DCDC2C: variants seen among roughly 807,000 people sequenced by gnomAD.
DCDC2C encodes the protein doublecortin domain-containing protein 2C.
A neutral mutation model predicts 45.0 loss-of-function variants in DCDC2C; 44 were observed. That is an observed-to-expected ratio of 0.98 (90% CI 0.77 to 1.26). The LOEUF (loss-of-function observed/expected upper bound fraction) is 1.26, where lower values mean the gene tolerates loss of function less well. Ranked by LOEUF, DCDC2C falls within the 50% of genes most tolerant of loss-of-function variation. The pLI is 0.00. For missense variants in DCDC2C, 447 were observed against 468.9 expected, an observed-to-expected ratio of 0.95 and a Z score of 0.43; for synonymous variants, 187 against 178.8, an observed-to-expected ratio of 1.05 and a Z score of -0.37.
At chr2:3,750,223 G>C (rs1180454772) in intron 4 of DCDC2C, among the ~76,000 whole-genome samples, 1 of 151,988 alleles carries the variant, frequency 6.6e-6, no homozygotes, top group African/African-American at 2.4e-5. Context: ...CTGTCCCTTG[G>C]TCTCCCCTCA....
rs1329554715 is a variant in DCDC2C at position 3,798,740 on chromosome 2, G to A, written c.1065+13640G>A. Reference sequence around the variant, plus strand: ...TTGTAGAGTTTCTGCCGAGAGATCTGCTGTTAGTCTGATGGGCTTCCCTTT... The same window carrying A: ...TTGTAGAGTTTCTGCCGAGAGATCTACTGTTAGTCTGATGGGCTTCCCTTT... On this transcript the variant is annotated intron_variant, in intron 10 of 10. Coordinates refer to ENST00000399143, the MANE Select transcript of DCDC2C (RefSeq NM_001287444.2). 1.3e-4 allele frequency among the ~76,000 whole-genome samples: 20 copies of A among 152,262 alleles called. 1 individual carries two copies. The East Asian group carries it at 3.9e-3, about 29-fold the overall frequency.
At chr2:3,847,012 T>TTC in intron 10 of DCDC2C, 142 bp from the exon 11 acceptor site, 2 of 343,818 alleles carry the variant, frequency 5.8e-6, no homozygotes, top group Non-Finnish European at 1.0e-5. Context: ...AGGTCCCAGG[T>TTC]CCCACCCCAC....
At chr2:3,723,762 G>A (rs1668559542) in intron 2 of DCDC2C, among the ~76,000 whole-genome samples, 1 of 152,166 alleles carries the variant, frequency 6.6e-6, no homozygotes, top group African/African-American at 2.4e-5. Context: ...TGACGGATGC[G>A]CAGATGGCAT....
chr2:3,751,529 A>G (rs530215790), intron 4 of DCDC2C, among the ~76,000 whole-genome samples: 2 of 152,338 alleles, frequency 1.3e-5, no homozygotes, highest in Non-Finnish European at 2.9e-5. Flanking sequence ...CTTGTCAGCC[A>G]GGAGCTTGTT....
intron 2 of DCDC2C, among the ~76,000 whole-genome samples, chr2:3,721,605 T>C (rs2148062855): frequency 6.6e-6 from 1 of 152,336 alleles, no homozygotes; most frequent in South Asian, 2.1e-4. Context: ...GGTTTTGCTA[T>C]GTCCCCACCC....
chr2:3,767,045 C>T lies in DCDC2C; in HGVS notation c.727-709C>T, dbSNP rs145953782. Among the ~76,000 whole-genome samples the T allele has an allele frequency of 5.4e-4, 82 of 152,312 alleles. No individual in the cohort carries two copies. The East Asian group carries it at 0.011, about 21-fold the overall frequency. On this transcript the variant is annotated intron_variant, in intron 6 of 10. Coordinates refer to ENST00000399143, the MANE Select transcript of DCDC2C (RefSeq NM_001287444.2). ...AAGACTTTTCCCGCCTCCAGGCCAA[C>T]GTAAGTGTTGCGAGCGTGTTTAAGG...
chr2:3,811,482 G>A (rs546748052), intron 10 of DCDC2C, among the ~76,000 whole-genome samples: 1 of 152,286 alleles, frequency 6.6e-6, no homozygotes, highest in East Asian at 1.9e-4. Flanking sequence ...TTTTTGGGCT[G>A]AGATGATGGG....
chr2:3,771,885 G>A (rs959538996), intron 8 of DCDC2C, among the ~76,000 whole-genome samples: 3 of 152,338 alleles, frequency 2.0e-5, no homozygotes, highest in African/African-American at 7.2e-5. Flanking sequence ...TATCCGTGTC[G>A]TGAGAACTTT....
chr2:3,764,667 A>G (rs1025833496), intron 6 of DCDC2C, among the ~76,000 whole-genome samples: 3 of 152,210 alleles, frequency 2.0e-5, no homozygotes, highest in African/African-American at 7.2e-5. Context: ...TCATAGCAGT[A>G]TGAAAATGGA....
intron 10 of DCDC2C, among the ~76,000 whole-genome samples, chr2:3,812,319 A>G (rs902113670): frequency 2.0e-5 from 3 of 151,670 alleles, no homozygotes; most frequent in African/African-American, 4.8e-5. Context: ...CAGAGCATGT[A>G]TGTGTCTAGG....
At chr2:3,767,132 C>T (rs113020281) in intron 6 of DCDC2C, among the ~76,000 whole-genome samples, 8 of 152,334 alleles carry the variant, frequency 5.3e-5, no homozygotes, top group African/African-American at 1.7e-4. Context: ...ACTTTAGATA[C>T]TTTCACCTTC....
chr2:3,832,575 T>G (rs904145663), intron 10 of DCDC2C, among the ~76,000 whole-genome samples: 7 of 152,252 alleles, frequency 4.6e-5, no homozygotes, highest in African/African-American at 1.7e-4. Context: ...TTCGTTTCCA[T>G]TAGGGCAGAT....
At chr2:3,798,767 A>T (rs1208801947) in intron 10 of DCDC2C, among the ~76,000 whole-genome samples, 9 of 151,696 alleles carry the variant, frequency 5.9e-5, no homozygotes, top group African/African-American at 2.2e-4. Context: ...CTTCCCTTTG[A>T]GGGTAACCCG....
intron 9 of DCDC2C, among the ~76,000 whole-genome samples, chr2:3,780,982 C>T (rs1211496657): frequency 2.6e-5 from 4 of 152,202 alleles, no homozygotes; most frequent in Non-Finnish European, 4.4e-5. Context: ...GCTTCGCTGG[C>T]GCCACCTACT....
chr2:3,756,274 G>C (rs1372498109), intron 6 of DCDC2C, among the ~76,000 whole-genome samples: 3 of 152,074 alleles, frequency 2.0e-5, no homozygotes, highest in African/African-American at 7.2e-5. Context: ...GCCTTTTAGT[G>C]GTTCTATTGA....
At chr2:3,825,248 T>C (rs759376282) in intron 10 of DCDC2C, among the ~76,000 whole-genome samples, 16 of 152,204 alleles carry the variant, frequency 1.1e-4, no homozygotes, top group Non-Finnish European at 1.6e-4. Context: ...GCTTCTGCAG[T>C]CACCTATATG....
chr2:3,797,403 T>G (rs948584261), intron 10 of DCDC2C, among the ~76,000 whole-genome samples: 6 of 151,960 alleles, frequency 3.9e-5, no homozygotes, highest in Non-Finnish European at 8.8e-5. Flanking sequence ...ATTTCTTGCC[T>G]TCTTCTAGCT....
chr2:3,783,838 T>C (rs151187532), intron 9 of DCDC2C, among the ~76,000 whole-genome samples: 1 of 152,382 alleles, frequency 6.6e-6, no homozygotes, highest in East Asian at 1.9e-4. Context: ...GAAGTAATTA[T>C]CTCCAAAGCC....
intron 4 of DCDC2C, among the ~76,000 whole-genome samples, chr2:3,749,875 G>A (rs1669487020): frequency 6.6e-6 from 1 of 152,146 alleles, no homozygotes; most frequent in Non-Finnish European, 1.5e-5. Context: ...TTTCATTCCT[G>A]CAAGACCCCT....
Sources: gnomAD v4.1 joint callset for allele counts (sites outside exome capture counted in the v4.1 genomes callset) on GRCh38, gnomAD v4.1.1 for gene constraint, MANE v1.5 for transcripts, NCBI Gene and HGNC (gene_info 2026-07-23, HGNC 2026-07-21) for gene names.